The following SENP7 variants were observed in gnomAD, a reference collection of about 807,000 sequenced individuals.
SENP7 encodes sentrin-specific protease 7.
Under a neutral mutation model 141.2 loss-of-function variants are expected in SENP7, and 64 were observed. That is an observed-to-expected ratio of 0.45 (90% CI 0.37 to 0.56). The LOEUF is 0.56. SENP7 is among the 20% of genes least tolerant of loss of function. The pLI is 0.00. For synonymous variants in SENP7, 382 were observed against 426.4 expected, an observed-to-expected ratio of 0.90 and a Z score of 1.28; for missense variants, 1,025 against 1,212.2, an observed-to-expected ratio of 0.85 and a Z score of 2.29.
intron 15 of SENP7, among the ~76,000 whole-genome samples, chr3:101,341,394 C>T (rs2059322106): frequency 6.6e-6 from 1 of 152,146 alleles, no homozygotes; most frequent in African/African-American, 2.4e-5. Flanking sequence ...TTAATAAACA[C>T]TTTAATCTTA....
intron 17 of SENP7, among the ~76,000 whole-genome samples, chr3:101,333,585 G>A (rs1280235517): frequency 6.6e-6 from 1 of 152,134 alleles, no homozygotes; most frequent in Admixed American, 6.5e-5. Context: ...GAGGAAAAAT[G>A]AGGCTTTTAT....
At chr3:101,350,201 G>T (rs950349382) in intron 12 of SENP7, among the ~76,000 whole-genome samples, 3 of 152,078 alleles carry the variant, frequency 2.0e-5, no homozygotes, top group Admixed American at 2.0e-4. Flanking sequence ...CATGTGTCAG[G>T]GTCATGTGCC....
At chr3:101,505,417 A>G (rs371398173) in intron 1 of SENP7, among the ~76,000 whole-genome samples, 1 of 152,228 alleles carries the variant, frequency 6.6e-6, no homozygotes, top group African/African-American at 2.4e-5. Context: ...TTATATCCCA[A>G]AAATGTCTCA....
intron 2 of SENP7, among the ~76,000 whole-genome samples, chr3:101,497,402 T>C (rs2065201128): frequency 6.6e-6 from 1 of 152,108 alleles, no homozygotes; most frequent in Admixed American, 6.6e-5. Context: ...CATCCTTCAA[T>C]TGAAAGAACC....
chr3:101,341,714 G>A lies in SENP7; in HGVS notation c.2172C>T (p.Tyr724=). 1 of 1,612,018 alleles carries A rather than the reference G, an allele frequency of 6.2e-7. No homozygotes were observed. The change falls in exon 15 of 24, where the codon TAC becomes TAT. Residue 724 remains tyrosine (Y), a synonymous_variant. Transcript: ENST00000394095. ...CTGGATTAGATGTAATAGAAAGGGA[G>A]TAGCAACCGCTACTTTGCTTCTGCA... ...TFLQKQSSGC[Y]SLSITSNPDE...
chr3:101,497,219 TAG>T (rs752491291), intron 2 of SENP7, among the ~76,000 whole-genome samples: 1 of 152,140 alleles, frequency 6.6e-6, no homozygotes, highest in African/African-American at 2.4e-5. Flanking sequence ...GATATATAGA[TAG>T]AGATACAGAA....
chr3:101,348,912 C>T (rs1350665721), intron 12 of SENP7, among the ~76,000 whole-genome samples: 2 of 152,108 alleles, frequency 1.3e-5, no homozygotes, highest in Non-Finnish European at 2.9e-5. Flanking sequence ...CCAAGATGGG[C>T]ACCTATTTGA....
chr3:101,331,614 C>A (rs1391692325), intron 19 of SENP7, among the ~76,000 whole-genome samples: 1 of 151,482 alleles, frequency 6.6e-6, no homozygotes, highest in Admixed American at 6.6e-5. Context: ...GTGGTTACTT[C>A]TGGATTAAAG....
intron 4 of SENP7, among the ~76,000 whole-genome samples, chr3:101,424,076 G>A (rs1474744177): frequency 6.6e-6 from 1 of 152,076 alleles, no homozygotes; most frequent in African/African-American, 2.4e-5. Flanking sequence ...AACTCTGCAG[G>A]GTTGTCTTGC....
intron 4 of SENP7, among the ~76,000 whole-genome samples, chr3:101,430,375 G>A (rs2062117422): frequency 6.6e-6 from 1 of 152,058 alleles, no homozygotes; most frequent in African/African-American, 2.4e-5. Flanking sequence ...GCCTGTTATT[G>A]GTCTATTCAG....
intron 9 of SENP7, 99 bp from the exon 10 acceptor site, chr3:101,365,090 C>A (rs2060000404): frequency 1.4e-6 from 1 of 713,200 alleles, no homozygotes; most frequent in Non-Finnish European, 2.0e-6. Flanking sequence ...GCAACCTCCA[C>A]CTCCCGGGCT....
intron 4 of SENP7, among the ~76,000 whole-genome samples, chr3:101,425,805 C>T (rs2107689394): frequency 6.6e-6 from 1 of 152,244 alleles, no homozygotes; most frequent in African/African-American, 2.4e-5. Flanking sequence ...ATAGCCAGTA[C>T]ACAAAGAAAC....
intron 3 of SENP7, among the ~76,000 whole-genome samples, chr3:101,479,042 G>A (rs1232988164): frequency 1.3e-5 from 2 of 151,912 alleles, no homozygotes; most frequent in African/African-American, 2.4e-5. Context: ...GCTATAAAAA[G>A]AACATACCTC....
At chr3:101,398,363 G>C (rs1202084421) in intron 6 of SENP7, among the ~76,000 whole-genome samples, 2 of 152,178 alleles carry the variant, frequency 1.3e-5, no homozygotes, top group Non-Finnish European at 2.9e-5. Flanking sequence ...GGGAGGCTGA[G>C]GTAGGAGAAT....
chr3:101,331,912 T>G, intron 19 of SENP7, 73 bp downstream of exon 19: 2 of 1,491,190 alleles, frequency 1.3e-6, no homozygotes, highest in Non-Finnish European at 9.3e-7. Flanking sequence ...TACCGTTAAC[T>G]TCATTTTCTT....
rs143265103 is a variant in SENP7, at chr3:101,506,019, A to ATTTTTTTT, written c.41-4901_41-4900insAAAAAAAA. 6.3e-5 allele frequency among the ~76,000 whole-genome samples: 9 copies of ATTTTTTTT among 142,124 alleles called. 1 individual carries two copies. Among genetic ancestry groups the ATTTTTTTT allele is most frequent in the Admixed American group, 1.5e-4 (2 of 13,446 alleles). The allele number at this position is 142,124 out of a possible 152,430, so 93.2% of individuals were successfully genotyped here. ...CCACTCATTCACTTATTTATTCCATAATTTTTTTTTTTTTTTTTTGAGACG... is the reference window on the plus strand; with the variant it reads ...CCACTCATTCACTTATTTATTCCATATTTTTTTTATTTTTTTTTTTTTTTTTTGAGACG... On this transcript the variant is annotated intron_variant, in intron 1 of 23. Coordinates refer to ENST00000394095, the MANE Select transcript of SENP7 (RefSeq NM_020654.5).
chr3:101,406,375 T>C (rs139113837), intron 5 of SENP7, among the ~76,000 whole-genome samples: 2,553 of 151,712 alleles, frequency 0.017, 45 homozygotes, highest in Non-Finnish European at 0.025. Context: ...TAGGTGGGAA[T>C]TGAACAATGA....
chr3:101,470,062 G>C (rs570312838), intron 3 of SENP7, among the ~76,000 whole-genome samples: 83 of 152,216 alleles, frequency 5.5e-4, no homozygotes, highest in Non-Finnish European at 9.7e-4. Context: ...GAATCTCTGG[G>C]ACATATTTAA....
At chr3:101,328,234 C>T (rs749908683) in intron 22 of SENP7, among the ~76,000 whole-genome samples, 1 of 152,008 alleles carries the variant, frequency 6.6e-6, no homozygotes, top group Non-Finnish European at 1.5e-5. Context: ...CTTTGTAAAA[C>T]TATACTTTCT....
Sources: allele counts gnomAD v4.1 joint callset (sites outside exome capture counted in the v4.1 genomes callset), GRCh38; gene constraint gnomAD v4.1.1; transcripts MANE v1.5; gene names NCBI Gene and HGNC (gene_info 2026-07-23, HGNC 2026-07-21).